Variants in CNBD1 observed in about 807,000 individuals in gnomAD.
The protein encoded by CNBD1 is cyclic nucleotide binding domain containing 1, also known as cyclic nucleotide-binding domain-containing protein 1.
Under a neutral mutation model 54.4 loss-of-function variants are expected in CNBD1, and 71 were observed. The observed-to-expected ratio is 1.30, with a 90% CI of 1.08 to 1.59. The LOEUF (loss-of-function observed/expected upper bound fraction) is 1.59, where lower values mean the gene tolerates loss of function less well. Ranked by LOEUF, CNBD1 falls within the 40% of genes most tolerant of loss-of-function variation. The pLI is 0.00. For missense variants in CNBD1, 659 were observed against 518.0 expected (o/e 1.27, Z -2.64); for synonymous variants, 182 against 170.7 (o/e 1.07, Z -0.51).
rs146026091 is a variant in CNBD1, at chr8:87,234,299, T to C, written c.578-2620T>C. 9.4e-4 allele frequency among the ~76,000 whole-genome samples: 143 copies of C among 152,312 alleles called. 1 individual carries two copies. The highest frequency in any genetic ancestry group is 3.3e-3 in the African/African-American group (137 of 41,570). On this transcript the variant is annotated intron_variant, in intron 5 of 10. Coordinates refer to ENST00000518476, the MANE Select transcript of CNBD1 (RefSeq NM_173538.3). ...ATGTTCTTAATGGCATCTAGAATAA[T>C]GAATCTTTTCCAGAATGTCCAGTTT...
At chr8:86,959,356 C>G (rs555469618) in intron 4 of CNBD1, among the ~76,000 whole-genome samples, 7 of 152,230 alleles carry the variant, frequency 4.6e-5, no homozygotes, top group Admixed American at 2.6e-4. Context: ...TGAATATCTT[C>G]ATGGCGTTCT....
At chr8:87,211,262 A>T (rs1247581798) in intron 5 of CNBD1, among the ~76,000 whole-genome samples, 2 of 152,050 alleles carry the variant, frequency 1.3e-5, no homozygotes, top group Admixed American at 1.3e-4. Context: ...GTACTTTTTG[A>T]TTTTATAGGC....
intron 10 of CNBD1, among the ~76,000 whole-genome samples, chr8:87,364,107 G>C (rs1810585950): frequency 6.6e-6 from 1 of 151,466 alleles, no homozygotes; most frequent in Admixed American, 6.6e-5. Flanking sequence ...GTATTATACT[G>C]TTTTGTTAAT....
At chr8:87,199,034 C>T (rs190938465) in intron 4 of CNBD1, among the ~76,000 whole-genome samples, 24 of 152,282 alleles carry the variant, frequency 1.6e-4, no homozygotes, top group Non-Finnish European at 2.6e-4. Flanking sequence ...GTGCCCCACA[C>T]TCTTAAATGA....
At chr8:87,176,180 T>A (rs762584695) in intron 4 of CNBD1, among the ~76,000 whole-genome samples, 1 of 152,210 alleles carries the variant, frequency 6.6e-6, no homozygotes, top group Non-Finnish European at 1.5e-5. Context: ...TAAAACCAGG[T>A]ACTGTGAGTG....
At chr8:87,369,835 C>G (rs1263127076) in intron 10 of CNBD1, among the ~76,000 whole-genome samples, 2 of 152,002 alleles carry the variant, frequency 1.3e-5, no homozygotes, top group African/African-American at 2.4e-5. Flanking sequence ...ATTAACTAGT[C>G]ATTTAGCATT....
chr8:86,957,806 G>A (rs999578414), intron 4 of CNBD1, among the ~76,000 whole-genome samples: 21 of 151,960 alleles, frequency 1.4e-4, no homozygotes, highest in African/African-American at 4.4e-4. Flanking sequence ...TTTTTTGTAG[G>A]ATTTTTTTGT....
intron 4 of CNBD1, among the ~76,000 whole-genome samples, chr8:87,012,333 A>C (rs1251988343): frequency 6.6e-6 from 1 of 152,174 alleles, no homozygotes; most frequent in Non-Finnish European, 1.5e-5. Flanking sequence ...AGGTCTAGGG[A>C]GTCATGCCCC....
intron 4 of CNBD1, among the ~76,000 whole-genome samples, chr8:86,955,198 T>C (rs1807732493): frequency 6.6e-6 from 1 of 152,204 alleles, no homozygotes; most frequent in Non-Finnish European, 1.5e-5. Flanking sequence ...ATTCATGGTG[T>C]ATATGTGCTA....
At chr8:87,139,370 C>G (rs1160848144) in intron 4 of CNBD1, among the ~76,000 whole-genome samples, 1 of 152,154 alleles carries the variant, frequency 6.6e-6, no homozygotes, top group Non-Finnish European at 1.5e-5. Flanking sequence ...AGGAAGGAAC[C>G]TGTTTCTATT....
At chr8:86,927,968 G>A (rs1431575336) in intron 3 of CNBD1, among the ~76,000 whole-genome samples, 2 of 151,974 alleles carry the variant, frequency 1.3e-5, no homozygotes, top group Non-Finnish European at 2.9e-5. Flanking sequence ...AGTTTAACTC[G>A]GGTGTGGTGA....
chr8:86,935,988 A>T (rs1333787912), intron 3 of CNBD1, among the ~76,000 whole-genome samples: 1 of 152,126 alleles, frequency 6.6e-6, no homozygotes, highest in African/African-American at 2.4e-5. Flanking sequence ...TCTTAAAAAA[A>T]ATTAGCTGGG....
At chr8:87,301,416 G>C (rs1015872830) in intron 8 of CNBD1, among the ~76,000 whole-genome samples, 3 of 151,988 alleles carry the variant, frequency 2.0e-5, no homozygotes, top group Non-Finnish European at 4.4e-5. Context: ...CAGACCAATA[G>C]CCTTGATGAA....
intron 4 of CNBD1, among the ~76,000 whole-genome samples, chr8:87,002,588 C>CT (rs757566782): frequency 0.038 from 5,424 of 143,216 alleles, 296 homozygotes; most frequent in African/African-American, 0.12. Context: ...ATGCTGAAAC[C>CT]TTTTTTTTTT....
chr8:87,167,699 G>GT (rs909634930), intron 4 of CNBD1, among the ~76,000 whole-genome samples: 1 of 151,706 alleles, frequency 6.6e-6, no homozygotes, highest in African/African-American at 2.4e-5. Context: ...ACATACTCAT[G>GT]TTTTTTTATT....
intron 5 of CNBD1, among the ~76,000 whole-genome samples, chr8:87,212,189 G>A (rs1280345896): frequency 6.6e-6 from 1 of 152,028 alleles, no homozygotes; most frequent in Non-Finnish European, 1.5e-5. Context: ...CTTGTACATT[G>A]AAAACTATAA....
At chr8:86,971,959 CT>C (rs576929582) in intron 4 of CNBD1, among the ~76,000 whole-genome samples, 86 of 147,168 alleles carry the variant, frequency 5.8e-4, no homozygotes, top group South Asian at 1.3e-3. Flanking sequence ...TTAAATAGAA[CT>C]TTTTTTTTTT....
In CNBD1 at chr8:87,351,672, CTCTT is replaced by C; in HGVS notation, c.1043-12_1043-9del. On this transcript the variant is annotated splice_polypyrimidine_tract_variant and intron_variant, in intron 8 of 10. Transcript: ENST00000518476. ...CAAGAATGTGTGAAATGAACTATCT[CTCTT>C]CTTTTCAGTGATAGTGGAAAGTGGA... 6.8e-7 allele frequency: 1 copy of C among 1,480,130 alleles called. No homozygotes were observed. Among genetic ancestry groups the C allele is most frequent in the Non-Finnish European group, 8.9e-7 (1 of 1,118,504 alleles). The allele number at this position is 1,480,130 out of a possible 1,614,324, so 91.7% of individuals were successfully genotyped here.
intron 8 of CNBD1, among the ~76,000 whole-genome samples, chr8:87,321,746 G>C (rs896377854): frequency 6.7e-6 from 1 of 150,072 alleles, no homozygotes. Context: ...TTTTGGTGTC[G>C]TATCCAAGAA....
Sources: gnomAD v4.1 joint callset for allele counts (sites outside exome capture counted in the v4.1 genomes callset) on GRCh38, gnomAD v4.1.1 for gene constraint, MANE v1.5 for transcripts, NCBI Gene and HGNC (gene_info 2026-07-23, HGNC 2026-07-21) for gene names.